Variants in DGKB observed in about 807,000 individuals in gnomAD.
DGKB encodes 90 kDa diacylglycerol kinase.
DGKB carries 67 observed loss-of-function variants against 114.3 expected under a neutral mutation model. The observed-to-expected ratio is 0.59, with a 90% CI of 0.48 to 0.72. The LOEUF is 0.72. DGKB is among the 30% of genes least tolerant of loss of function. DGKB has a pLI of 0.00. For missense variants in DGKB, 907 were observed against 975.2 expected (o/e 0.93, Z 0.93); for synonymous variants, 398 against 323.1 (o/e 1.23, Z -2.49).
chr7:14,704,452 AAAAAAAAAAAAAG>A (rs1825805495), intron 6 of DGKB, among the ~76,000 whole-genome samples: 1 of 149,352 alleles, frequency 6.7e-6, no homozygotes, highest in Non-Finnish European at 1.5e-5. Flanking sequence ...CATCTCAAAA[AAAAAAAAAAAAAG>A]AAAAAAGAAA....
At chr7:14,852,487 C>CAAAAAAA in intron 1 of DGKB, among the ~76,000 whole-genome samples, 5 of 63,634 alleles carry the variant, frequency 7.9e-5, no homozygotes, top group African/African-American at 1.3e-4. Flanking sequence ...TAGTGAAAGT[C>CAAAAAAA]AAAAAAAAAA....
At chr7:14,740,504 G>T (rs1341206527) in intron 4 of DGKB, among the ~76,000 whole-genome samples, 1 of 152,116 alleles carries the variant, frequency 6.6e-6, no homozygotes, top group East Asian at 1.9e-4. Flanking sequence ...TTAGCATTTG[G>T]CTTATGACAA....
At chr7:14,378,710 TAGA>T (rs1215118913) in intron 21 of DGKB, among the ~76,000 whole-genome samples, 1 of 152,098 alleles carries the variant, frequency 6.6e-6, no homozygotes, top group African/African-American at 2.4e-5. Context: ...CACTCAGAAT[TAGA>T]AGGAGGTCTG....
At chr7:14,207,764 T>C (rs909097306) in intron 23 of DGKB, among the ~76,000 whole-genome samples, 3 of 151,996 alleles carry the variant, frequency 2.0e-5, no homozygotes, top group African/African-American at 4.8e-5. Context: ...TACTCCTTTA[T>C]TGTACTTGGG....
chr7:14,315,440 C>T (rs1481736389), intron 23 of DGKB, among the ~76,000 whole-genome samples: 10 of 151,130 alleles, frequency 6.6e-5, no homozygotes, highest in Admixed American at 6.6e-4. Context: ...GGAGGAAGAT[C>T]TACCAAGCAA....
At chr7:14,959,047 G>T (rs1392430702) in intron 1 of DGKB, among the ~76,000 whole-genome samples, 1 of 152,022 alleles carries the variant, frequency 6.6e-6, no homozygotes, top group African/African-American at 2.4e-5. Flanking sequence ...TGTTTTATAT[G>T]ATATTTTGTT....
intron 1 of DGKB, among the ~76,000 whole-genome samples, chr7:14,965,376 T>C (rs1017252156): frequency 3.9e-5 from 6 of 152,066 alleles, no homozygotes; most frequent in African/African-American, 1.4e-4. Context: ...TAGTTTTTAA[T>C]ACCCCAAGTA....
At chr7:14,371,275 A>C (rs758793468) in intron 21 of DGKB, among the ~76,000 whole-genome samples, 1 of 152,188 alleles carries the variant, frequency 6.6e-6, no homozygotes, top group African/African-American at 2.4e-5. Context: ...ACTAATTTAC[A>C]TTCCCACCAG....
At position 14,495,499 on chromosome 7, in the gene DGKB, C is replaced by T. The variant is rs535088258; in HGVS notation, c.1771-17274G>A. Among the ~76,000 whole-genome samples, 16 of 151,608 alleles carry T rather than the reference C, an allele frequency of 1.1e-4. No homozygotes were observed. The East Asian group carries it at 1.7e-3, about 16-fold the overall frequency. On this transcript the variant is annotated intron_variant, in intron 20 of 25. Transcript: ENST00000402815. Reference sequence around the variant, plus strand: ...TCTTTTGAAAGGACAGCAAAATAGACGAAACAAAACCAAGATGACAATTTC... The same window carrying T: ...TCTTTTGAAAGGACAGCAAAATAGATGAAACAAAACCAAGATGACAATTTC...
At chr7:14,762,416 G>A (rs530944438) in intron 2 of DGKB, among the ~76,000 whole-genome samples, 2 of 151,934 alleles carry the variant, frequency 1.3e-5, no homozygotes, top group African/African-American at 4.8e-5. Flanking sequence ...TACATTTTAG[G>A]GATCAACGTT....
At chr7:14,543,447 AAAAAAC>A (rs1793798395) in intron 20 of DGKB, among the ~76,000 whole-genome samples, 1 of 152,108 alleles carries the variant, frequency 6.6e-6, no homozygotes, top group South Asian at 2.1e-4. Context: ...CCCATCTCAA[AAAAAAC>A]AAAAACAAAA....
chr7:14,685,411 G>A (rs976360233), intron 9 of DGKB, 49 bp from the exon 10 acceptor site: 1 of 1,372,558 alleles, frequency 7.3e-7, no homozygotes, highest in Non-Finnish European at 1.0e-6. Context: ...AATAAACAGT[G>A]AAAGATGTAA....
chr7:14,804,913 T>C (rs1842610755), intron 2 of DGKB, among the ~76,000 whole-genome samples: 4 of 152,100 alleles, frequency 2.6e-5, no homozygotes, highest in Admixed American at 2.6e-4. Context: ...CTGTTATCTA[T>C]TTATATGTTT....
At chr7:14,471,493 T>C (rs980650370) in intron 21 of DGKB, among the ~76,000 whole-genome samples, 10 of 149,594 alleles carry the variant, frequency 6.7e-5, no homozygotes, top group East Asian at 2.0e-4. Flanking sequence ...GAAAATTGTA[T>C]ACTGCTGACA....
At chr7:14,815,815 C>T (rs1020299867) in intron 2 of DGKB, among the ~76,000 whole-genome samples, 3 of 152,144 alleles carry the variant, frequency 2.0e-5, no homozygotes, top group East Asian at 1.9e-4. Flanking sequence ...TGTGTACAAT[C>T]GTGATAAGAA....
intron 23 of DGKB, among the ~76,000 whole-genome samples, chr7:14,326,117 G>C (rs1000194218): frequency 1.4e-5 from 2 of 145,936 alleles, no homozygotes; most frequent in Non-Finnish European, 3.0e-5. Context: ...TGTGCTTATA[G>C]TCTAGGAAAC....
At chr7:14,307,641 G>T (rs1804704602) in intron 23 of DGKB, among the ~76,000 whole-genome samples, 1 of 152,152 alleles carries the variant, frequency 6.6e-6, no homozygotes, top group Non-Finnish European at 1.5e-5. Flanking sequence ...AATCTGTGGA[G>T]AAATATAACA....
Position 14,913,750 on chromosome 7 carries a change from A to G in DGKB, c.-188+60946T>C, listed in dbSNP as rs564898830. ...TAAAAAATAATGGTAAAATCTTTTG[A>G]CTTATAGTTTCAACTCACTCCAACA... On this transcript the variant is annotated intron_variant, in intron 1 of 4. Coordinates refer to the DGKB transcript ENST00000437998. Among the ~76,000 whole-genome samples the G allele has an allele frequency of 3.9e-5, 6 of 152,064 alleles. No homozygotes were observed. The South Asian group carries it at 1.0e-3, about 26-fold the overall frequency.
In DGKB at chr7:14,696,265, G is replaced by C. The variant is rs532717967; in HGVS notation, c.591+1830C>G. ...TCCCAGCACTTTGGGAGGCCGAGGC[G>C]GGTGGATCAGGAGGTCAGGAGATCG... On this transcript the variant is annotated intron_variant, in intron 8 of 25. Coordinates refer to ENST00000402815, the MANE Select transcript of DGKB (RefSeq NM_001350709.2). Among the ~76,000 whole-genome samples the C allele has an allele frequency of 4.6e-5, 7 of 151,474 alleles. No individual in the cohort carries two copies. The East Asian group carries it at 1.4e-3, about 30-fold the overall frequency.
Sources: allele counts gnomAD v4.1 joint callset (sites outside exome capture counted in the v4.1 genomes callset), GRCh38; gene constraint gnomAD v4.1.1; transcripts MANE v1.5; gene names NCBI Gene and HGNC (gene_info 2026-07-23, HGNC 2026-07-21).